INPP5D: variants seen among roughly 807,000 people sequenced by gnomAD.
INPP5D encodes phosphatidylinositol 3,4,5-trisphosphate 5-phosphatase 1.
A neutral mutation model predicts 122.9 loss-of-function variants in INPP5D; 33 were observed. That is an observed-to-expected ratio of 0.27 (90% confidence interval 0.20 to 0.36). The LOEUF (loss-of-function observed/expected upper bound fraction) is 0.36, where lower values mean the gene tolerates loss of function less well. Ranked by LOEUF, INPP5D falls within the 10% of genes least tolerant of loss-of-function variation. The pLI is 1.00. For missense variants in INPP5D, 1,053 were observed against 1,412.7 expected (o/e 0.75, Z 4.08); for synonymous variants, 584 against 576.2 (o/e 1.01, Z -0.19).
At chr2:233,150,910 C>A (rs982543419) in intron 9 of INPP5D, among the ~76,000 whole-genome samples, 1 of 152,054 alleles carries the variant, frequency 6.6e-6, no homozygotes, top group Non-Finnish European at 1.5e-5. Flanking sequence ...CAGGGGAGGG[C>A]ACTGGTACTG....
rs1257316943 is a variant in INPP5D at position 233,163,863 on chromosome 2, A to G, written c.1397A>G (p.Lys466Arg). The change falls in exon 12 of 27, where the codon AAA becomes AGA. Residue 466 changes from lysine to arginine, a missense_variant. By Grantham distance (26) the Lys-to-Arg change is conservative. Coordinates refer to ENST00000445964, the MANE Select transcript of INPP5D (RefSeq NM_001017915.3). ...LSEKEWLEIL[K>R]HSLQEITSVT... ...GAGAAGGAGTGGCTGGAGATCCTCA[A>G]ACACTCCCTGCAAGAAATCACCAGT... 5 of 1,613,794 alleles carry G rather than the reference A, an allele frequency of 3.1e-6. No individual in the cohort carries two copies. The highest frequency in any genetic ancestry group is 4.2e-6 in the Non-Finnish European group (5 of 1,179,878).
intron 17 of INPP5D, among the ~76,000 whole-genome samples, chr2:233,174,518 C>G (rs1439183715): frequency 6.6e-6 from 1 of 152,176 alleles, no homozygotes; most frequent in Admixed American, 6.5e-5. Flanking sequence ...TTAGGCTGGG[C>G]ACAGTGGCTC....
chr2:233,158,007 GAGGAAGAAGAGGAGA>G (rs1694100642), intron 9 of INPP5D, among the ~76,000 whole-genome samples: 2 of 152,190 alleles, frequency 1.3e-5, no homozygotes, highest in South Asian at 4.2e-4. Context: ...GGGAGAAGAG[GAGGAAGAAGAGGAGA>G]AGGAAGAAGA....
intron 6 of INPP5D, chr2:233,141,364 T>C (rs879063976): frequency 0.61 from 93,067 of 151,970 alleles, 29,862 homozygotes; most frequent in East Asian, 0.98. Context: ...GTCGGGAATT[T>C]GAGACCAACC....
At chr2:233,079,467 C>A in intron 2 of INPP5D, 69 bp downstream of exon 2, 1 of 1,034,350 alleles carries the variant, frequency 9.7e-7, no homozygotes, top group Non-Finnish European at 1.5e-6. Flanking sequence ...AGGGTGTAAA[C>A]GATGAGGAAG....
chr2:233,121,169 T>C (rs868320811), intron 2 of INPP5D, among the ~76,000 whole-genome samples: 1 of 147,602 alleles, frequency 6.8e-6, no homozygotes, highest in South Asian at 2.1e-4. Flanking sequence ...TCTCACTCTG[T>C]CGCCCAGGCT....
intron 9 of INPP5D, among the ~76,000 whole-genome samples, chr2:233,154,772 C>T (rs541421341): frequency 5.3e-5 from 8 of 152,300 alleles, no homozygotes; most frequent in Admixed American, 5.2e-4. Context: ...TGCTAAATCA[C>T]GGAGGTTTGG....
At chr2:233,157,772 G>A in intron 9 of INPP5D, among the ~76,000 whole-genome samples, 1 of 151,802 alleles carries the variant, frequency 6.6e-6, no homozygotes, top group African/African-American at 2.4e-5. Context: ...AAGAAACAGA[G>A]TAGAATTCCA....
At chr2:233,115,490 T>C (rs1051967616) in intron 2 of INPP5D, among the ~76,000 whole-genome samples, 2 of 152,218 alleles carry the variant, frequency 1.3e-5, no homozygotes, top group Non-Finnish European at 1.5e-5. Context: ...CTTCTCAGCA[T>C]GTGCAGCCCT....
intron 8 of INPP5D, among the ~76,000 whole-genome samples, chr2:233,147,008 A>G (rs1013463754): frequency 2.6e-5 from 4 of 152,166 alleles, no homozygotes; most frequent in Admixed American, 2.6e-4. Flanking sequence ...CTCTATTAAG[A>G]TAAATTTCCA....
At position 233,060,425 on chromosome 2, in the gene INPP5D, G is replaced by T; in HGVS notation, c.-54G>T. 6 of 1,535,200 alleles carry T rather than the reference G, an allele frequency of 3.9e-6. No individual in the cohort carries two copies. Among genetic ancestry groups the T allele is most frequent in the Middle Eastern group, 4.3e-4 (2 of 4,692 alleles). On this transcript the variant is annotated 5_prime_UTR_variant, in exon 1 of 27. Coordinates refer to ENST00000445964, the MANE Select transcript of INPP5D (RefSeq NM_001017915.3). ...GGAGGGGCCTCCGCTCCCCTCGGTG[G>T]TGTGTGGGTCCTGGGGGTGCCTGCC... is the stretch of plus-strand genomic sequence containing the variant.
Position 233,170,069 on chromosome 2 carries a change from G to C in INPP5D, c.1696G>C (p.Gly566Arg). The C allele has an allele frequency of 1.2e-6, 2 of 1,614,016 alleles. No homozygotes were observed. The highest frequency in any genetic ancestry group is 1.7e-6 in the Non-Finnish European group (2 of 1,179,900). ...YMNILRFLAL[G>R]DKKLSPFNIT... Reference sequence around the variant, plus strand: ...GAACATTCTCCGGTTCCTGGCCCTGGGCGACAAGAAGCTGAGTCCCTTTAA... The same window carrying C: ...GAACATTCTCCGGTTCCTGGCCCTGCGCGACAAGAAGCTGAGTCCCTTTAA... The change falls in exon 15 of 27, where the codon GGC (glycine) becomes CGC (arginine). Residue 566 changes from glycine to arginine, a missense_variant. Gly to Arg is a moderately radical substitution (Grantham distance 125). This residue lies in a region of INPP5D where 258 missense variants were observed against 439.1 expected (regional missense o/e 0.59). Transcript: ENST00000445964. This position sits in a 1 kb window ranked among gnomAD's most constrained non-coding sequence, Gnocchi z 4.5.
intron 2 of INPP5D, among the ~76,000 whole-genome samples, chr2:233,118,993 T>C (rs1375635067): frequency 6.6e-6 from 1 of 152,226 alleles, no homozygotes; most frequent in Non-Finnish European, 1.5e-5. Context: ...TTTAAATTGC[T>C]CTGTTCCTAG....
chr2:233,101,695 T>C (rs1157475959), intron 2 of INPP5D, among the ~76,000 whole-genome samples: 1 of 146,016 alleles, frequency 6.8e-6, no homozygotes, highest in Non-Finnish European at 1.5e-5. Context: ...AAGTAGTAAT[T>C]GCATATTATA....
In INPP5D at chr2:233,189,913, T is replaced by C; in HGVS notation, c.2422T>C (p.Ser808Pro). 2 of 1,613,398 alleles carry C rather than the reference T, an allele frequency of 1.2e-6. No individual in the cohort carries two copies. Among genetic ancestry groups the C allele is most frequent in the Non-Finnish European group, 1.7e-6 (2 of 1,179,598 alleles). Residue 808 changes from serine (S) to proline (P), a missense_variant, in exon 22 of 27, where the codon TCC becomes CCC. Coordinates refer to ENST00000445964, the MANE Select transcript of INPP5D (RefSeq NM_001017915.3). This position sits in a 1 kb window ranked among gnomAD's most constrained non-coding sequence, Gnocchi z 5.6. ...CCAGCACATCCTCATCAGCATCAAG[T>C]CCTCTGACAGCGACGAATCCTATGG... The part of the protein sequence containing the change: ...LDQHILISIK[S>P]SDSDESYGEG...
intron 11 of INPP5D, 65 bp from the exon 12 acceptor site, chr2:233,163,642 A>G: frequency 6.2e-7 from 1 of 1,606,344 alleles, no homozygotes; most frequent in South Asian, 1.1e-5. Flanking sequence ...CTCTGTTTTG[A>G]ATTCTCCTAA....
intron 2 of INPP5D, among the ~76,000 whole-genome samples, chr2:233,101,268 C>T (rs549308000): frequency 6.6e-6 from 1 of 152,256 alleles, no homozygotes; most frequent in South Asian, 2.1e-4. Flanking sequence ...TGGCTGCATT[C>T]ACAACCAGCT....
rs546256970 is a variant in INPP5D at position 233,195,464 on chromosome 2, G to A, written c.2662G>A (p.Asp888Asn). ...GACCCTGAAGAGCCTCACCAGCCAC[G>A]ACCCCATGAAGCAGTGGGAAGTCAC... ...PKTLKSLTSH[D>N]PMKQWEVTSR... The change falls in exon 24 of 27, where the codon GAC becomes AAC. Residue 888 changes from aspartate (D) to asparagine (N), a missense_variant. Physicochemically the swap from Asp to Asn is conservative, Grantham distance 23. Around this residue, in one of 6 missense-constraint regions of INPP5D, gnomAD observed 417 missense variants for 425.8 expected, o/e 0.98. Transcript: ENST00000445964. The A allele has an allele frequency of 2.0e-5, 33 of 1,610,876 alleles. No individual in the cohort carries two copies. The highest frequency in any genetic ancestry group is 6.7e-5 in the East Asian group (3 of 44,668).
chr2:233,103,077 C>T (rs1255388080), intron 2 of INPP5D, among the ~76,000 whole-genome samples: 1 of 152,146 alleles, frequency 6.6e-6, no homozygotes, highest in Non-Finnish European at 1.5e-5. Flanking sequence ...TCATAGCTTT[C>T]ATTCTGTGTT....
Sources: gnomAD v4.1 joint callset for allele counts (sites outside exome capture counted in the v4.1 genomes callset) on GRCh38, gnomAD v4.1.1 for gene constraint, gnomAD v4.1.1 regional missense constraint, Gnocchi (gnomAD v3.1) non-coding constraint, MANE v1.5 for transcripts, NCBI Gene and HGNC (gene_info 2026-07-23, HGNC 2026-07-21) for gene names.